Variants in TMEM207 observed in about 807,000 individuals in gnomAD.
The protein encoded by TMEM207 is SRSR846.
A neutral mutation model predicts 17.4 loss-of-function variants in TMEM207; 15 were observed. The ratio of observed to expected loss-of-function variants is 0.86; its 90% CI spans 0.58 to 1.33. The LOEUF (loss-of-function observed/expected upper bound fraction) is 1.33. Ranked by LOEUF, TMEM207 falls within the 40% of genes most tolerant of loss-of-function variation. The pLI is 0.00. For synonymous variants in TMEM207, 70 were observed against 65.6 expected, an observed-to-expected ratio of 1.07 and a Z score of -0.33; for missense variants, 205 against 173.8, an observed-to-expected ratio of 1.18 and a Z score of -1.01.
intron 3 of TMEM207, 31 bp from the exon 4 acceptor site, chr3:190,440,420 A>C: frequency 6.3e-7 from 1 of 1,594,570 alleles, no homozygotes; most frequent in African/African-American, 1.4e-5. Context: ...GAAAAGAATG[A>C]GGTAGAGTAT....
At chr3:190,449,023 C>T (rs1001637420) in intron 1 of TMEM207, among the ~76,000 whole-genome samples, 7 of 152,168 alleles carry the variant, frequency 4.6e-5, no homozygotes, top group East Asian at 1.9e-4. Context: ...TAGATGAAAT[C>T]GTTTGGGATC....
intron 1 of TMEM207, among the ~76,000 whole-genome samples, chr3:190,449,234 C>T (rs1196980910): frequency 6.6e-6 from 1 of 152,104 alleles, no homozygotes; most frequent in African/African-American, 2.4e-5. Flanking sequence ...CTTTCAGATA[C>T]CTTGCATTGA....
chr3:190,433,458 T>A (rs997956037), intron 4 of TMEM207, among the ~76,000 whole-genome samples: 8 of 152,190 alleles, frequency 5.3e-5, no homozygotes, highest in Non-Finnish European at 1.2e-4. Flanking sequence ...TATCTTTTTT[T>A]AAAAAAACTA....
intron 4 of TMEM207, among the ~76,000 whole-genome samples, chr3:190,437,362 G>A (rs1719823248): frequency 6.6e-6 from 1 of 152,208 alleles, no homozygotes; most frequent in Non-Finnish European, 1.5e-5. Context: ...TTGACGTGCA[G>A]TAAACATCTA....
At chr3:190,439,529 T>C (rs1719883485) in intron 4 of TMEM207, among the ~76,000 whole-genome samples, 1 of 152,192 alleles carries the variant, frequency 6.6e-6, no homozygotes, top group Admixed American at 6.5e-5. Context: ...AGCCAATACT[T>C]AAGATGAAGA....
chr3:190,441,741 A>G (rs1236788995), intron 2 of TMEM207, among the ~76,000 whole-genome samples: 1 of 152,216 alleles, frequency 6.6e-6, no homozygotes, highest in Non-Finnish European at 1.5e-5. Flanking sequence ...AATGGGTTTG[A>G]TTCTAGAGTT....
chr3:190,434,018 C>A (rs958478624), intron 4 of TMEM207, among the ~76,000 whole-genome samples: 1 of 152,098 alleles, frequency 6.6e-6, no homozygotes, highest in African/African-American at 2.4e-5. Context: ...TCCCCAGAAG[C>A]CAAGCAGATG....
chr3:190,432,180 T>C, intron 4 of TMEM207, among the ~76,000 whole-genome samples: 1 of 152,230 alleles, frequency 6.6e-6, no homozygotes, highest in Non-Finnish European at 1.5e-5. Context: ...TTAGTTTTTA[T>C]AGCCAGAGTT....
chr3:190,447,753 C>T (rs538165244), intron 2 of TMEM207, 37 bp downstream of exon 2: 71 of 1,601,452 alleles, frequency 4.4e-5, no homozygotes, highest in Non-Finnish European at 5.4e-5. Context: ...TTTTTAAATG[C>T]GAAATAAAAA....
At chr3:190,437,691 G>A (rs988130915) in intron 4 of TMEM207, among the ~76,000 whole-genome samples, 7 of 152,046 alleles carry the variant, frequency 4.6e-5, no homozygotes, top group South Asian at 4.2e-4. Context: ...TCAGTGTGGC[G>A]ATTCCTCAGG....
chr3:190,429,529 C>A lies in TMEM207; in HGVS notation c.*66G>T. 6.3e-7 allele frequency: 1 copy of A among 1,579,090 alleles called. No homozygotes were observed. The highest frequency in any genetic ancestry group is 8.7e-7 in the Non-Finnish European group (1 of 1,152,272). On this transcript the variant is annotated 3_prime_UTR_variant, in exon 5 of 5. Transcript: ENST00000354905. ...ATTTCCAACAACTGAAATAACTATT[C>A]CTAAATTTGATGTTTTGGAATTACA...
At chr3:190,445,532 T>A (rs1720025927) in intron 2 of TMEM207, among the ~76,000 whole-genome samples, 2 of 152,114 alleles carry the variant, frequency 1.3e-5, no homozygotes, top group African/African-American at 4.8e-5. Context: ...TAGACCAGTG[T>A]TGTTGTTATT....
chr3:190,442,221 A>G (rs956638711), intron 2 of TMEM207, among the ~76,000 whole-genome samples: 2 of 152,192 alleles, frequency 1.3e-5, no homozygotes, highest in Non-Finnish European at 2.9e-5. Context: ...ATGTGGGCTG[A>G]TGGACTTTTT....
chr3:190,429,873 T>A, intron 4 of TMEM207, 142 bp from the exon 5 acceptor site: 1 of 1,079,276 alleles, frequency 9.3e-7, no homozygotes. Context: ...AAATTACAAC[T>A]ATCTTGCTCT....
chr3:190,439,051 C>A (rs1353877607), intron 4 of TMEM207, among the ~76,000 whole-genome samples: 1 of 151,888 alleles, frequency 6.6e-6, no homozygotes, highest in Non-Finnish European at 1.5e-5. Flanking sequence ...GTGGCGGGCG[C>A]CTGTAGTCCC....
In TMEM207 at chr3:190,429,580, A is replaced by G; in HGVS notation, c.*15T>C. 6.2e-7 allele frequency: 1 copy of G among 1,612,738 alleles called. No individual in the cohort carries two copies. ...GATGTCGTTAATACTTTAAATTGAT[A>G]ATCCACACCTAAAATCAGGTTGTTT... On this transcript the variant is annotated 3_prime_UTR_variant, in exon 5 of 5. Coordinates refer to ENST00000354905, the MANE Select transcript of TMEM207 (RefSeq NM_207316.3).
chr3:190,435,761 G>A (rs937487069), intron 4 of TMEM207, among the ~76,000 whole-genome samples: 16 of 152,216 alleles, frequency 1.1e-4, no homozygotes, highest in African/African-American at 3.6e-4. Context: ...AGGAACATTA[G>A]CCCGGGAAAC....
chr3:190,444,504 T>TAA, intron 2 of TMEM207: 12 of 789,966 alleles, frequency 1.5e-5, no homozygotes, highest in African/African-American at 3.8e-5. Context: ...TACTGAAAAT[T>TAA]AAAAAAAAAA....
intron 2 of TMEM207, among the ~76,000 whole-genome samples, chr3:190,443,835 A>C (rs1719988059): frequency 6.6e-6 from 1 of 152,210 alleles, no homozygotes; most frequent in Non-Finnish European, 1.5e-5. Flanking sequence ...AATTGGTATG[A>C]TTATGGTAAA....
Sources: gnomAD v4.1 joint callset for allele counts (sites outside exome capture counted in the v4.1 genomes callset) on GRCh38, gnomAD v4.1.1 for gene constraint, MANE v1.5 for transcripts, NCBI Gene and HGNC (gene_info 2026-07-23, HGNC 2026-07-21) for gene names.